The following RANBP17 variants were observed in gnomAD, a reference collection of about 807,000 sequenced individuals.
RANBP17 encodes the protein ran-binding protein 17.
RANBP17 carries 158 observed loss-of-function variants against 141.2 expected under a neutral mutation model. That is an observed-to-expected ratio of 1.12 (90% CI 0.98 to 1.28). The LOEUF is 1.28. Ranked by LOEUF, RANBP17 falls within the 50% of genes most tolerant of loss-of-function variation. RANBP17 has a pLI of 0.00. For missense variants in RANBP17, 1,438 were observed against 1,290.7 expected (o/e 1.11, Z -1.75); for synonymous variants, 430 against 450.0 (o/e 0.96, Z 0.56).
At chr5:171,006,577 C>A (rs984816996) in intron 14 of RANBP17, among the ~76,000 whole-genome samples, 1 of 152,030 alleles carries the variant, frequency 6.6e-6, no homozygotes. Context: ...AGGGGAACAT[C>A]ACACACCGGG....
intron 14 of RANBP17, among the ~76,000 whole-genome samples, chr5:171,132,725 A>G (rs1757005079): frequency 6.7e-6 from 1 of 149,228 alleles, no homozygotes; most frequent in South Asian, 2.1e-4. Context: ...CTATCTCAAG[A>G]AAAAAAAAAG....
intron 12 of RANBP17, among the ~76,000 whole-genome samples, chr5:170,951,107 G>A (rs1775174863): frequency 6.6e-6 from 1 of 151,976 alleles, no homozygotes; most frequent in African/African-American, 2.4e-5. Context: ...AAGAGAGGTT[G>A]GCTAATGAGT....
chr5:171,260,354 C>T (rs376802946), intron 24 of RANBP17, among the ~76,000 whole-genome samples: 55 of 146,008 alleles, frequency 3.8e-4, no homozygotes, highest in South Asian at 3.1e-3. Flanking sequence ...CCTGTGGTGG[C>T]GGCTACTCAG....
chr5:171,002,516 T>A (rs1779284984), intron 14 of RANBP17, among the ~76,000 whole-genome samples: 1 of 152,028 alleles, frequency 6.6e-6, no homozygotes, highest in Admixed American at 6.6e-5. Context: ...CCTTGTGTAG[T>A]GAGGAAACCT....
At chr5:171,137,352 G>A (rs1169360909) in intron 14 of RANBP17, among the ~76,000 whole-genome samples, 1 of 152,152 alleles carries the variant, frequency 6.6e-6, no homozygotes, top group Non-Finnish European at 1.5e-5. Context: ...GGGAATTGCT[G>A]TAGTATAGAC....
chr5:171,192,103 G>A (rs1761689715), intron 18 of RANBP17, among the ~76,000 whole-genome samples: 1 of 152,132 alleles, frequency 6.6e-6, no homozygotes, highest in Non-Finnish European at 1.5e-5. Context: ...ACACAGAGGT[G>A]GATATCTCAG....
intron 24 of RANBP17, among the ~76,000 whole-genome samples, chr5:171,256,166 TTGAC>T (rs1239187810): frequency 1.3e-5 from 2 of 152,330 alleles, no homozygotes; most frequent in African/African-American, 4.8e-5. Flanking sequence ...CATGAGGTAT[TTGAC>T]TGGGAGCTGA....
chr5:171,241,040 T>C lies in RANBP17; in HGVS notation c.2535T>C (p.Tyr845=). ...SALKSALCGN[Y]VSFGVFKLYG... is the part of the protein sequence containing the mutation. ...TCAAGTCTGCCTTGTGTGGAAATTA[T>C]GTCAGCTTTGGCGTCTTCAAGTTGT... Residue 845 remains tyrosine, a synonymous_variant, in exon 23 of 28, where the codon TAT becomes TAC. Coordinates refer to ENST00000523189, the MANE Select transcript of RANBP17 (RefSeq NM_022897.5). The C allele has an allele frequency of 6.2e-7, 1 of 1,614,040 alleles. No homozygotes were observed. Among genetic ancestry groups the C allele is most frequent in the Non-Finnish European group, 8.5e-7 (1 of 1,179,938 alleles).
At chr5:170,867,091 C>G (rs1291240273) in intron 1 of RANBP17, 1 of 152,182 alleles carries the variant, frequency 6.6e-6, no homozygotes, top group African/African-American at 2.4e-5. Flanking sequence ...TGGGACCATG[C>G]CCTTGCATAG....
chr5:171,199,201 T>C (rs1330514932), intron 18 of RANBP17, among the ~76,000 whole-genome samples: 1 of 152,114 alleles, frequency 6.6e-6, no homozygotes, highest in African/African-American at 2.4e-5. Flanking sequence ...GCCATTTATT[T>C]GATAAATTAA....
At chr5:170,915,602 A>T (rs1293252187) in intron 8 of RANBP17, among the ~76,000 whole-genome samples, 1 of 152,012 alleles carries the variant, frequency 6.6e-6, no homozygotes, top group East Asian at 1.9e-4. Context: ...AAAGGGCGTC[A>T]TTTGATTTTT....
intron 25 of RANBP17, among the ~76,000 whole-genome samples, chr5:171,272,990 A>C (rs762678702): frequency 1.3e-5 from 2 of 152,204 alleles, no homozygotes; most frequent in Non-Finnish European, 2.9e-5. Context: ...TAGGACACGT[A>C]GTCTTGAGAA....
At chr5:171,235,494 T>C (rs1187994803) in intron 22 of RANBP17, among the ~76,000 whole-genome samples, 1 of 152,082 alleles carries the variant, frequency 6.6e-6, no homozygotes, top group Non-Finnish European at 1.5e-5. Context: ...TTGGACATGT[T>C]GAGGGATTGA....
chr5:171,241,861 A>C (rs369901993), intron 23 of RANBP17, among the ~76,000 whole-genome samples: 1 of 152,226 alleles, frequency 6.6e-6, no homozygotes, highest in Non-Finnish European at 1.5e-5. Context: ...CAGAGCCTAC[A>C]CTAGAGCTTG....
chr5:170,920,288 A>G (rs1772326801), intron 11 of RANBP17, among the ~76,000 whole-genome samples: 1 of 152,192 alleles, frequency 6.6e-6, no homozygotes, highest in African/African-American at 2.4e-5. Context: ...CTCACAATGT[A>G]TGAAAGACTC....
At chr5:171,186,238 G>GCTGTTTCATCTACATTGAAAAT (rs1393922585) in intron 18 of RANBP17, among the ~76,000 whole-genome samples, 3 of 152,156 alleles carry the variant, frequency 2.0e-5, no homozygotes, top group African/African-American at 7.2e-5. Context: ...CCAATGAAAG[G>GCTGTTTCATCTACATTGAAAAT]CTGTTTCATC....
intron 14 of RANBP17, among the ~76,000 whole-genome samples, chr5:171,007,850 G>A (rs1779760034): frequency 1.3e-5 from 2 of 152,126 alleles, no homozygotes; most frequent in South Asian, 4.1e-4. Flanking sequence ...AGGCTAAGGA[G>A]AAGAAGGAGG....
chr5:171,122,997 T>C (rs1756153695), intron 14 of RANBP17, among the ~76,000 whole-genome samples: 1 of 152,116 alleles, frequency 6.6e-6, no homozygotes, highest in Non-Finnish European at 1.5e-5. Flanking sequence ...CTCTGCACCA[T>C]ATGAAACAGG....
chr5:171,231,218 G>A (rs1025291081), intron 22 of RANBP17, among the ~76,000 whole-genome samples: 81 of 150,228 alleles, frequency 5.4e-4, no homozygotes, highest in Non-Finnish European at 5.9e-5. Context: ...CAAAGTCCTT[G>A]GATCACAGGC....
Sources: allele counts gnomAD v4.1 joint callset (sites outside exome capture counted in the v4.1 genomes callset), GRCh38; gene constraint gnomAD v4.1.1; transcripts MANE v1.5; gene names NCBI Gene and HGNC (gene_info 2026-07-23, HGNC 2026-07-21).